Variants in CCSER1 observed in about 807,000 individuals in gnomAD.
CCSER1 encodes coiled-coil serine rich protein 1.
Under a neutral mutation model 82.0 loss-of-function variants are expected in CCSER1, and 41 were observed. That is an observed-to-expected ratio of 0.50 (90% CI 0.39 to 0.65). The LOEUF is 0.65. Ranked by LOEUF, CCSER1 falls within the 30% of genes least tolerant of loss-of-function variation. The pLI is 0.00. For missense variants in CCSER1, 1,119 were observed against 1,064.2 expected, an observed-to-expected ratio of 1.05 and a Z score of -0.72; for synonymous variants, 414 against 383.9, an observed-to-expected ratio of 1.08 and a Z score of -0.92.
chr4:91,428,500 A>G (rs1754118075), intron 10 of CCSER1, among the ~76,000 whole-genome samples: 1 of 152,044 alleles, frequency 6.6e-6, no homozygotes, highest in African/African-American at 2.4e-5. Flanking sequence ...GTTTAAAATA[A>G]GACTATGATC....
chr4:90,629,570 C>T (rs1020605154), intron 6 of CCSER1, among the ~76,000 whole-genome samples: 2 of 152,174 alleles, frequency 1.3e-5, no homozygotes, highest in Non-Finnish European at 2.9e-5. Context: ...CTGCCTCCCC[C>T]ACCCTTGACA....
intron 10 of CCSER1, among the ~76,000 whole-genome samples, chr4:91,182,866 AACT>A (rs1490444145): frequency 1.3e-5 from 2 of 152,232 alleles, no homozygotes; most frequent in African/African-American, 4.8e-5. Context: ...CTCGAGGATT[AACT>A]CCTCCTGTAA....
At chr4:90,805,213 T>G (rs1274519621) in intron 7 of CCSER1, among the ~76,000 whole-genome samples, 2 of 152,198 alleles carry the variant, frequency 1.3e-5, no homozygotes, top group Non-Finnish European at 2.9e-5. Context: ...ACTGGGAAGT[T>G]CTAGCCTTGT....
At chr4:91,043,171 AC>A (rs1169912675) in intron 9 of CCSER1, among the ~76,000 whole-genome samples, 1 of 152,084 alleles carries the variant, frequency 6.6e-6, no homozygotes, top group Non-Finnish European at 1.5e-5. Context: ...CTTAAAAACA[AC>A]TTTTAGTTAG....
intron 1 of CCSER1, among the ~76,000 whole-genome samples, chr4:90,290,346 AAATATATACATAGG>A (rs1313063605): frequency 2.0e-5 from 3 of 151,842 alleles, no homozygotes; most frequent in Non-Finnish European, 4.4e-5. Context: ...ATATGCTAGG[AAATATATACATAGG>A]ATTCCAATGC....
At chr4:91,424,856 ATGTT>A in intron 10 of CCSER1, among the ~76,000 whole-genome samples, 1 of 152,214 alleles carries the variant, frequency 6.6e-6, no homozygotes. Context: ...GAAAAAGAAA[ATGTT>A]TTAGGTAAGA....
intron 3 of CCSER1, chr4:90,325,471 T>C (rs1420784307): frequency 5.6e-6 from 1 of 178,628 alleles, no homozygotes; most frequent in Admixed American, 5.9e-5. Flanking sequence ...ATATTATTTT[T>C]AATTGGATCA....
intron 8 of CCSER1, among the ~76,000 whole-genome samples, chr4:90,885,884 A>G (rs1021707056): frequency 6.6e-6 from 1 of 152,070 alleles, no homozygotes; most frequent in South Asian, 2.1e-4. Flanking sequence ...TTCATTCCAA[A>G]TGTTCTCTTC....
chr4:91,209,962 C>A (rs1277229214), intron 10 of CCSER1, among the ~76,000 whole-genome samples: 1 of 151,710 alleles, frequency 6.6e-6, no homozygotes, highest in Non-Finnish European at 1.5e-5. Flanking sequence ...CAGATCTTAG[C>A]TTCTAAATTC....
At chr4:91,128,242 G>A (rs13108849) in intron 10 of CCSER1, among the ~76,000 whole-genome samples, 2 of 151,960 alleles carry the variant, frequency 1.3e-5, no homozygotes, top group Non-Finnish European at 2.9e-5. Flanking sequence ...TGTCAGCAAA[G>A]ACAAAACAAA....
At chr4:90,783,538 C>A (rs1256808132) in intron 7 of CCSER1, among the ~76,000 whole-genome samples, 1 of 152,134 alleles carries the variant, frequency 6.6e-6, no homozygotes, top group Non-Finnish European at 1.5e-5. Context: ...CTCTAGGGAT[C>A]CCATCAGGTT....
chr4:90,956,921 A>G (rs1012549708), intron 9 of CCSER1, among the ~76,000 whole-genome samples: 2 of 147,384 alleles, frequency 1.4e-5, no homozygotes, highest in African/African-American at 5.0e-5. Context: ...CTGGGACTAC[A>G]GGTGTGTGCC....
chr4:90,975,278 A>C (rs1295031297), intron 9 of CCSER1, among the ~76,000 whole-genome samples: 1 of 151,188 alleles, frequency 6.6e-6, no homozygotes, highest in East Asian at 1.9e-4. Flanking sequence ...AATTTCTTAG[A>C]ATTAGATAGC....
intron 7 of CCSER1, among the ~76,000 whole-genome samples, chr4:90,790,236 G>C (rs530049168): frequency 6.6e-6 from 1 of 152,170 alleles, no homozygotes; most frequent in African/African-American, 2.4e-5. Flanking sequence ...TACTGCAGGA[G>C]TAATTTATAC....
At chr4:91,598,493 A>G in intron 10 of CCSER1, 79 bp from the exon 11 acceptor site, 2 of 1,380,880 alleles carry the variant, frequency 1.4e-6, no homozygotes, top group Non-Finnish European at 9.6e-7. Context: ...ACACAAATGT[A>G]TAAATATCAC....
chr4:90,910,548 G>T (rs1177321034), intron 8 of CCSER1, among the ~76,000 whole-genome samples: 1 of 152,102 alleles, frequency 6.6e-6, no homozygotes, highest in Non-Finnish European at 1.5e-5. Flanking sequence ...AAAGTATACT[G>T]TTTAATTTTG....
At chr4:90,746,724 T>A (rs1747540324) in intron 7 of CCSER1, among the ~76,000 whole-genome samples, 1 of 152,336 alleles carries the variant, frequency 6.6e-6, no homozygotes, top group South Asian at 2.1e-4. Context: ...AAATATTATC[T>A]TTTTCAAGAT....
intron 5 of CCSER1, among the ~76,000 whole-genome samples, chr4:90,613,007 A>G (rs1019768714): frequency 6.6e-6 from 1 of 152,038 alleles, no homozygotes; most frequent in African/African-American, 2.4e-5. Flanking sequence ...GAACAATAAT[A>G]CTCTAAAGCA....
At chr4:90,722,236 T>C (rs1435008877) in intron 6 of CCSER1, among the ~76,000 whole-genome samples, 3 of 151,886 alleles carry the variant, frequency 2.0e-5, no homozygotes, top group African/African-American at 7.2e-5. Context: ...GGTATGATAC[T>C]TTAATAAGCT....
Sources: allele counts gnomAD v4.1 joint callset (sites outside exome capture counted in the v4.1 genomes callset), GRCh38; gene constraint gnomAD v4.1.1; transcripts MANE v1.5; gene names NCBI Gene and HGNC (gene_info 2026-07-23, HGNC 2026-07-21).